PCLAF: variants seen among roughly 807,000 people sequenced by gnomAD.
PCLAF encodes PCNA clamp associated factor.
A neutral mutation model predicts 15.1 loss-of-function variants in PCLAF; 12 were observed. That is an observed-to-expected ratio of 0.79 (90% confidence interval 0.51 to 1.29). The LOEUF (loss-of-function observed/expected upper bound fraction) is 1.29, where lower values mean the gene tolerates loss of function less well. Among genes scored for constraint, PCLAF ranks in the 50% most tolerant of loss-of-function variants. The probability of loss-of-function intolerance (pLI) is 0.00; values close to 1 mark genes in which losing one functional copy is unlikely to be tolerated. For synonymous variants in PCLAF, 33 were observed against 47.1 expected (o/e 0.70, Z 1.22); for missense variants, 116 against 130.9 (o/e 0.89, Z 0.56).
intron 2 of PCLAF, among the ~76,000 whole-genome samples, chr15:64,377,488 A>AATATATATAT (rs1166593614): frequency 6.8e-5 from 2 of 29,320 alleles, no homozygotes; most frequent in African/African-American, 1.4e-4. Context: ...AAAAAAAAAA[A>AATATATATAT]ATATATATAT....
rs530500964 is a variant in PCLAF, at chr15:64,368,192, A to G, written c.291-2117T>C. Among the ~76,000 whole-genome samples the G allele has an allele frequency of 2.0e-5, 3 of 151,998 alleles. No homozygotes were observed. The South Asian group carries it at 6.2e-4, about 32-fold the overall frequency. ...CCCTGTCTCTACTAAAAATACAAAA[A>G]CAATTAGCTGGGCATGGTGACGCGT... On this transcript the variant is annotated intron_variant, in intron 3 of 3. Transcript: ENST00000300035.
chr15:64,386,449 T>C (rs1456836279), intron 1 of PCLAF, among the ~76,000 whole-genome samples: 3 of 152,146 alleles, frequency 2.0e-5, no homozygotes, highest in African/African-American at 7.2e-5. Context: ...GCCTTTCAAG[T>C]AGCTGAGACT....
At chr15:64,371,267 T>TA (rs1899302550) in intron 3 of PCLAF, among the ~76,000 whole-genome samples, 1 of 143,044 alleles carries the variant, frequency 7.0e-6, no homozygotes, top group Non-Finnish European at 1.5e-5. Flanking sequence ...TGCACTTGGC[T>TA]TTTTTTTTTT....
chr15:64,375,906 A>G (rs1343367245), intron 3 of PCLAF, among the ~76,000 whole-genome samples: 1 of 152,218 alleles, frequency 6.6e-6, no homozygotes, highest in Non-Finnish European at 1.5e-5. Context: ...GATTGGGAAG[A>G]GTAAAAAGAA....
intron 2 of PCLAF, among the ~76,000 whole-genome samples, chr15:64,380,578 C>G (rs1331434126): frequency 6.6e-6 from 1 of 151,970 alleles, no homozygotes; most frequent in African/African-American, 2.4e-5. Flanking sequence ...GTGGCATGTA[C>G]CTGTAGCCCC....
chr15:64,370,947 A>C (rs1043969551), intron 3 of PCLAF, among the ~76,000 whole-genome samples: 9 of 110,690 alleles, frequency 8.1e-5, no homozygotes, highest in African/African-American at 3.1e-4. Flanking sequence ...CAGATTTGTT[A>C]TTTTGCTTAT....
chr15:64,373,920 C>A, intron 3 of PCLAF: 1 of 622,408 alleles, frequency 1.6e-6, no homozygotes, highest in Non-Finnish European at 2.4e-6. Flanking sequence ...AATTACAAAT[C>A]TATAAAAAGG....
At chr15:64,380,415 T>G (rs1374109341) in intron 2 of PCLAF, among the ~76,000 whole-genome samples, 1 of 151,752 alleles carries the variant, frequency 6.6e-6, no homozygotes. Context: ...AGGAAAATAC[T>G]AAACCAAAAA....
At chr15:64,376,560 C>G (rs1596325683) in intron 3 of PCLAF, among the ~76,000 whole-genome samples, 183 bp downstream of exon 3, 1 of 152,106 alleles carries the variant, frequency 6.6e-6, no homozygotes, top group Non-Finnish European at 1.5e-5. Context: ...GCTAGGACAA[C>G]AGGTGTGCAC....
chr15:64,386,221 T>C (rs1038923296), upstream of PCLAF, among the ~76,000 whole-genome samples: 1 of 152,156 alleles, frequency 6.6e-6, no homozygotes, highest in African/African-American at 2.4e-5. Flanking sequence ...ACAGAGTATT[T>C]TGACTTTTTC....
intron 3 of PCLAF, among the ~76,000 whole-genome samples, chr15:64,369,427 T>G (rs1378667962): frequency 2.0e-5 from 3 of 151,706 alleles, no homozygotes; most frequent in South Asian, 2.1e-4. Flanking sequence ...CTTTGGTTGA[T>G]TTTTATGGAA....
In PCLAF at chr15:64,386,619, A is replaced by AGTGTGTGT. The variant is rs35727456; in HGVS notation, n.241+820_241+827dup. The stretch of plus-strand genomic sequence containing the variant: ...ATTACAGGCATGAGCCACCACGCCC[A>AGTGTGTGT]GTGTGTGTGTGTGTGTGTGTGTGTG... On this transcript the variant is annotated intron_variant and non_coding_transcript_variant, in intron 1 of 1. Transcript: ENST00000558250. Among the ~76,000 whole-genome samples the AGTGTGTGT allele has an allele frequency of 6.8e-4, 99 of 146,392 alleles. 1 individual carries two copies. Among genetic ancestry groups the AGTGTGTGT allele is most frequent in the African/African-American group, 2.2e-3 (89 of 39,992 alleles).
At chr15:64,373,913 T>A in intron 3 of PCLAF, 1 of 630,482 alleles carries the variant, frequency 1.6e-6, no homozygotes, top group Non-Finnish European at 2.3e-6. Context: ...CCTTATTAAT[T>A]ACAAATCTAT....
upstream of PCLAF, among the ~76,000 whole-genome samples, chr15:64,384,423 T>G (rs1416954915): frequency 2.0e-5 from 3 of 151,454 alleles, no homozygotes; most frequent in Non-Finnish European, 4.4e-5. Flanking sequence ...TGTGAGCCAC[T>G]GCAACTGGCC....
In PCLAF at chr15:64,365,784, T is replaced by TAGACA; in HGVS notation, c.*241_*245dup. On this transcript the variant is annotated 3_prime_UTR_variant, in exon 4 of 4. Coordinates refer to ENST00000300035, the MANE Select transcript of PCLAF (RefSeq NM_014736.6). Reference sequence around the variant, plus strand: ...GCAATGACTTGATTTTAGCAAGAACTAGACACTTAATTTGGTAAAAGAAAC... The same window carrying TAGACA: ...GCAATGACTTGATTTTAGCAAGAACTAGACAAGACACTTAATTTGGTAAAAGAAAC... 1 of 477,840 alleles carries TAGACA rather than the reference T, an allele frequency of 2.1e-6. No individual in the cohort carries two copies. Among genetic ancestry groups the TAGACA allele is most frequent in the Non-Finnish European group, 3.7e-6 (1 of 270,922 alleles). 29.6% of individuals were successfully genotyped at this position (477,840 alleles called of 1,614,324 possible).
chr15:64,387,546 C>T (rs1899974948), exon 1 of PCLAF: 4 of 1,329,926 alleles, frequency 3.0e-6, no homozygotes, highest in Middle Eastern at 2.0e-4. Context: ...TTGTTTTCCC[C>T]CTAAACTGTC....
intron 3 of PCLAF, among the ~76,000 whole-genome samples, chr15:64,368,276 T>C (rs1415211832): frequency 6.6e-6 from 1 of 151,794 alleles, no homozygotes; most frequent in Non-Finnish European, 1.5e-5. Flanking sequence ...ACCCAGGAGG[T>C]GGACTCCAGC....
At chr15:64,375,045 G>C (rs894446236) in intron 3 of PCLAF, among the ~76,000 whole-genome samples, 3 of 151,880 alleles carry the variant, frequency 2.0e-5, no homozygotes, top group African/African-American at 7.3e-5. Flanking sequence ...ATACACCATG[G>C]TATTATTCCT....
intron 3 of PCLAF, 117 bp from the exon 4 acceptor site, chr15:64,366,192 T>G: frequency 1.8e-6 from 1 of 557,672 alleles, no homozygotes; most frequent in Non-Finnish European, 3.0e-6. Flanking sequence ...TCTGGTCTAA[T>G]GACTAGAAAT....
Sources: allele counts gnomAD v4.1 joint callset (sites outside exome capture counted in the v4.1 genomes callset), GRCh38; gene constraint gnomAD v4.1.1; transcripts MANE v1.5; gene names NCBI Gene and HGNC (gene_info 2026-07-23, HGNC 2026-07-21).